Variants in PAK4 observed in about 807,000 individuals in gnomAD.
The protein encoded by PAK4 is p21 (RAC1) activated kinase 4.
A neutral mutation model predicts 53.5 loss-of-function variants in PAK4; 49 were observed. That is an observed-to-expected ratio of 0.92 (90% confidence interval 0.73 to 1.16). The LOEUF (loss-of-function observed/expected upper bound fraction) is 1.16. Among genes scored for constraint, PAK4 ranks in the 50% most tolerant of loss-of-function variants. PAK4 has a pLI of 0.00. For missense variants in PAK4, 824 were observed against 850.7 expected (o/e 0.97, Z 0.39); for synonymous variants, 376 against 375.6 (o/e 1.00, Z -0.01).
At chr19:39,164,135 G>A (rs1452345953) in intron 1 of PAK4, among the ~76,000 whole-genome samples, 1 of 152,060 alleles carries the variant, frequency 6.6e-6, no homozygotes, top group Admixed American at 6.6e-5. Context: ...AAATTAGCCG[G>A]GTATGGTGGC....
chr19:39,170,991 T>A (rs1245873969), intron 2 of PAK4, among the ~76,000 whole-genome samples: 2 of 152,148 alleles, frequency 1.3e-5, no homozygotes, highest in Non-Finnish European at 2.9e-5. Flanking sequence ...GCCACTTGCA[T>A]GTAGGCTTTG....
intron 1 of PAK4, among the ~76,000 whole-genome samples, chr19:39,148,256 C>T (rs2074036422): frequency 6.6e-6 from 1 of 150,764 alleles, no homozygotes; most frequent in Admixed American, 6.6e-5. Context: ...CTGGCGAGAT[C>T]TTTATTCTAC....
At chr19:39,172,395 C>T (rs773731597) in intron 2 of PAK4, among the ~76,000 whole-genome samples, 3 of 152,172 alleles carry the variant, frequency 2.0e-5, no homozygotes, top group Non-Finnish European at 4.4e-5. Flanking sequence ...CCTGGGACCC[C>T]CTTGCCCTCT....
intron 1 of PAK4, among the ~76,000 whole-genome samples, chr19:39,132,129 T>G (rs746575494): frequency 6.6e-6 from 1 of 152,214 alleles, no homozygotes; most frequent in Non-Finnish European, 1.5e-5. Context: ...TGTGAGTCTA[T>G]GAGCATGGTC....
chr19:39,173,241 C>G lies in PAK4; in HGVS notation c.528C>G (p.Asp176Glu), dbSNP rs754701074. The change falls in exon 3 of 9, where the codon GAC becomes GAG. Residue 176 changes from aspartate to glutamate, a missense_variant. Asp to Glu is a conservative substitution (Grantham distance 45). Transcript: ENST00000358301. This position sits in a 1 kb window ranked among gnomAD's most constrained non-coding sequence, Gnocchi z 6.9. ...GGGGTCCCCAGGAGTCCTCCCGGGACAAACGCCCCCTCTCCGGGCCTGATG... is the reference window on the plus strand; with the variant it reads ...GGGGTCCCCAGGAGTCCTCCCGGGAGAAACGCCCCCTCTCCGGGCCTGATG... 3 of 1,580,276 alleles carry G rather than the reference C, an allele frequency of 1.9e-6. No individual in the cohort carries two copies. The highest frequency in any genetic ancestry group is 1.8e-5 in the Admixed American group (1 of 55,508).
Position 39,173,785 on chromosome 19 carries a change from A to G in PAK4, c.873A>G (p.Ser291=). ...TTCCTGGGCCCCCTGGCCCCCGCTC[A>G]CCACAGCGGGAGCCACAGCGAGTAT... is the stretch of plus-strand genomic sequence containing the variant. The change falls in exon 4 of 9, where the codon TCA becomes TCG. Residue 291 remains serine, a synonymous_variant. Transcript: ENST00000358301. The surrounding 1 kb of genome is among the most constrained non-coding windows in gnomAD (Gnocchi z 6.9). The G allele has an allele frequency of 1.2e-6, 2 of 1,604,364 alleles. No homozygotes were observed. The highest frequency in any genetic ancestry group is 2.3e-5 in the East Asian group (1 of 44,388).
At chr19:39,181,063 C>G (rs568793154), downstream of PAK4, 2 of 150,596 alleles carry the variant, frequency 1.3e-5, no homozygotes, top group East Asian at 2.0e-4. Flanking sequence ...CCTTCAGTCA[C>G]TCACTGCAGG....
intron 1 of PAK4, among the ~76,000 whole-genome samples, chr19:39,144,073 G>C (rs1219544352): frequency 6.6e-6 from 1 of 152,100 alleles, no homozygotes; most frequent in African/African-American, 2.4e-5. Context: ...AGATAAGATA[G>C]AGCGAGCAAG....
intron 1 of PAK4, among the ~76,000 whole-genome samples, chr19:39,143,592 C>CAAAAAAAAAAAA: frequency 1.2e-3 from 24 of 20,444 alleles, no homozygotes; most frequent in Non-Finnish European, 1.6e-3. Flanking sequence ...GACTCTGTCT[C>CAAAAAAAAAAAA]AAAAAAAAAA....
At chr19:39,154,973 G>A (rs1320235479) in intron 1 of PAK4, among the ~76,000 whole-genome samples, 1 of 152,260 alleles carries the variant, frequency 6.6e-6, no homozygotes, top group Non-Finnish European at 1.5e-5. Context: ...CTGAGAGCAA[G>A]CGCTGGCCTC....
intron 1 of PAK4, among the ~76,000 whole-genome samples, chr19:39,139,090 C>G (rs1056989974): frequency 6.6e-6 from 1 of 152,192 alleles, no homozygotes; most frequent in Non-Finnish European, 1.5e-5. Flanking sequence ...CCCTGTCCCT[C>G]CAGCAGCTTT....
Position 39,174,984 on chromosome 19 carries a change from CTACCTGGTGGGGG to C in PAK4, c.1153_1165del (p.Tyr385ThrfsTer24). On this transcript the variant is annotated frameshift_variant, in exon 5 of 9. Transcript: ENST00000358301. LOFTEE classifies it high-confidence loss of function. ...AGAATGTGGTGGAGATGTACAACAGCTACCTGGTGGGGGACGAGCTCTGGGTGGTCATGGAGTT... is the reference window on the plus strand; with the variant it reads ...AGAATGTGGTGGAGATGTACAACAGCACGAGCTCTGGGTGGTCATGGAGTT... 1 of 1,613,944 alleles carries C rather than the reference CTACCTGGTGGGGG, an allele frequency of 6.2e-7. No individual in the cohort carries two copies. The highest frequency in any genetic ancestry group is 8.5e-7 in the Non-Finnish European group (1 of 1,179,944).
chr19:39,177,947 C>A, intron 8 of PAK4, 138 bp downstream of exon 9: 1 of 992,246 alleles, frequency 1.0e-6, no homozygotes, highest in East Asian at 2.7e-5. Flanking sequence ...CCCCCACCCC[C>A]GGGCCTCATG....
intron 1 of PAK4, among the ~76,000 whole-genome samples, chr19:39,166,530 T>G (rs1467062703): frequency 6.6e-6 from 1 of 152,192 alleles, no homozygotes; most frequent in Non-Finnish European, 1.5e-5. Context: ...CGTGGCTGAG[T>G]TGCTCACCCA....
intron 1 of PAK4, chr19:39,136,324 G>C (rs2073814585): frequency 6.6e-6 from 1 of 152,320 alleles, no homozygotes; most frequent in Non-Finnish European, 1.5e-5. Flanking sequence ...TCCCAGCAGA[G>C]AAGCTTGCAA....
chr19:39,172,759 G>A (rs1394640657), intron 2 of PAK4, among the ~76,000 whole-genome samples, 159 bp from the exon 4 acceptor site: 1 of 152,040 alleles, frequency 6.6e-6, no homozygotes, highest in Admixed American at 6.6e-5. Context: ...GAGGGGAGGG[G>A]CTGCACTGCC....
At chr19:39,129,220 A>G (rs1467054338) in intron 1 of PAK4, among the ~76,000 whole-genome samples, 1 of 150,560 alleles carries the variant, frequency 6.6e-6, no homozygotes, top group Non-Finnish European at 1.5e-5. Context: ...TGAGCTGAGC[A>G]TTGGAGTCTG....
chr19:39,176,262 A>G (rs545993497), intron 6 of PAK4, among the ~76,000 whole-genome samples: 19 of 152,226 alleles, frequency 1.2e-4, no homozygotes, highest in Non-Finnish European at 2.2e-4. Flanking sequence ...GCCCCAGGGC[A>G]CAGGCTTTTG....
At chr19:39,172,844 C>G in intron 2 of PAK4, 74 bp from the exon 4 acceptor site, 2 of 1,250,548 alleles carry the variant, frequency 1.6e-6, no homozygotes, top group Non-Finnish European at 2.2e-6. Flanking sequence ...CTGTCCTGTC[C>G]CTGCGTGTCG....
Sources: allele counts gnomAD v4.1 joint callset (sites outside exome capture counted in the v4.1 genomes callset), GRCh38; gene constraint gnomAD v4.1.1; non-coding constraint Gnocchi (gnomAD v3.1); transcripts MANE v1.5; gene names NCBI Gene and HGNC (gene_info 2026-07-23, HGNC 2026-07-21).